Variants in CSMD3 observed in about 807,000 individuals in gnomAD.
CSMD3 encodes CUB and sushi domain-containing protein 3.
In CSMD3, 177 loss-of-function variants were observed where a neutral mutation model predicts 435.2. The ratio of observed to expected loss-of-function variants is 0.41; its 90% CI spans 0.36 to 0.46. CSMD3 has a LOEUF of 0.46. Among genes scored for constraint, CSMD3 ranks in the 20% least tolerant of loss-of-function variants. CSMD3 has a pLI of 0.34. For synonymous variants in CSMD3, 1,656 were observed against 1,520.5 expected (o/e 1.09, Z -2.07); for missense variants, 4,265 against 4,504.6 (o/e 0.95, Z 1.52).
At chr8:113,096,612 G>T (rs1204636513) in intron 5 of CSMD3, among the ~76,000 whole-genome samples, 1 of 151,810 alleles carries the variant, frequency 6.6e-6, no homozygotes. Flanking sequence ...AGCCCCTCAA[G>T]TGAATTCACA....
intron 1 of CSMD3, among the ~76,000 whole-genome samples, chr8:113,340,474 T>C (rs2094110821): frequency 6.6e-6 from 1 of 152,166 alleles, no homozygotes; most frequent in African/African-American, 2.4e-5. Context: ...ACTTATATTG[T>C]GCCTGAAAAA....
intron 54 of CSMD3, 103 bp from the exon 55 acceptor site, chr8:112,292,813 A>T: frequency 9.9e-7 from 1 of 1,014,214 alleles, no homozygotes. Context: ...CAAACAAAGT[A>T]GAAAGAAGAC....
chr8:113,408,231 T>G lies in CSMD3; in HGVS notation c.178+28446A>C, dbSNP rs556310302. Among the ~76,000 whole-genome samples the G allele has an allele frequency of 2.6e-5, 4 of 152,244 alleles. No homozygotes were observed. The East Asian group carries it at 7.7e-4, about 29-fold the overall frequency. The stretch of plus-strand genomic sequence containing the variant: ...ATACATAGGAATCAAAATCATTAAG[T>G]GATGAAGTTGCTCTATGAGTCCATG... On this transcript the variant is annotated intron_variant, in intron 1 of 70. Transcript: ENST00000297405.
Position 113,361,670 on chromosome 8 carries a change from A to G in CSMD3, c.179-46877T>C, listed in dbSNP as rs116409374. On this transcript the variant is annotated intron_variant, in intron 1 of 70. Coordinates refer to ENST00000297405, the MANE Select transcript of CSMD3 (RefSeq NM_198123.2). Reference sequence around the variant, plus strand: ...ATTTAAAAAATAATTAAAAACAAATATAACCTTAATAACATCATTGGTCAT... The same window carrying G: ...ATTTAAAAAATAATTAAAAACAAATGTAACCTTAATAACATCATTGGTCAT... 8.7e-3 allele frequency among the ~76,000 whole-genome samples: 1,322 copies of G among 152,162 alleles called. 18 individuals carry two copies. The highest frequency in any genetic ancestry group is 0.03 in the African/African-American group (1,238 of 41,538).
intron 4 of CSMD3, among the ~76,000 whole-genome samples, chr8:113,145,747 T>C (rs2091658244): frequency 6.6e-6 from 1 of 151,650 alleles, no homozygotes; most frequent in Admixed American, 6.6e-5. Context: ...TTTTCTAGAT[T>C]GGTACATGAC....
intron 31 of CSMD3, among the ~76,000 whole-genome samples, chr8:112,474,091 G>C (rs1241420704): frequency 1.3e-5 from 2 of 152,114 alleles, no homozygotes; most frequent in Non-Finnish European, 2.9e-5. Flanking sequence ...GCTATTAATA[G>C]AGTAGTTTCA....
Position 113,173,840 on chromosome 8 carries a change from C to T in CSMD3, c.591G>A (p.Gly197=), listed in dbSNP as rs369448300. ...GVLYGTRFDV[G]DKIRYSCVTG... ...TTACACAGCTGTAGCGGATCTTGTC[C>T]CCGACGTCGAATCTTGTGCCATATA... The change falls in exon 4 of 71, where the codon GGG becomes GGA. Residue 197 remains glycine, a synonymous_variant. Coordinates refer to ENST00000297405, the MANE Select transcript of CSMD3 (RefSeq NM_198123.2). 1 of 1,613,850 alleles carries T rather than the reference C, an allele frequency of 6.2e-7. No individual in the cohort carries two copies. Among genetic ancestry groups the T allele is most frequent in the Non-Finnish European group, 8.5e-7 (1 of 1,179,852 alleles).
At chr8:112,689,688 T>G (rs957817322) in intron 14 of CSMD3, among the ~76,000 whole-genome samples, 180 bp downstream of exon 14, 1 of 152,090 alleles carries the variant, frequency 6.6e-6, no homozygotes, top group African/African-American at 2.4e-5. Context: ...TTAACTTTAT[T>G]TAAATCTGTA....
At chr8:113,044,404 A>G (rs192570589) in intron 5 of CSMD3, among the ~76,000 whole-genome samples, 8 of 149,202 alleles carry the variant, frequency 5.4e-5, no homozygotes, top group African/African-American at 1.7e-4. Context: ...ATTCTGTTGA[A>G]TGAATAGATA....
chr8:113,190,959 A>C (rs2092576243), intron 3 of CSMD3, among the ~76,000 whole-genome samples: 1 of 151,878 alleles, frequency 6.6e-6, no homozygotes. Context: ...TAAATGTTTT[A>C]GGCATTTAAC....
chr8:113,278,854 C>A, intron 2 of CSMD3, 150 bp from the exon 3 acceptor site: 1 of 603,946 alleles, frequency 1.7e-6, no homozygotes, highest in Non-Finnish European at 3.0e-6. Flanking sequence ...ACCTTGATTT[C>A]AGCCCAGTTA....
At chr8:113,302,280 A>G (rs988658455) in intron 2 of CSMD3, among the ~76,000 whole-genome samples, 20 of 11,530 alleles carry the variant, frequency 1.7e-3, no homozygotes, top group African/African-American at 8.0e-3. Flanking sequence ...ATATATAATT[A>G]TAATATATAA....
intron 40 of CSMD3, among the ~76,000 whole-genome samples, chr8:112,348,353 C>G (rs1825848528): frequency 6.6e-6 from 1 of 152,164 alleles, no homozygotes; most frequent in African/African-American, 2.4e-5. Flanking sequence ...TCTCTAATAT[C>G]TAAAATCTCA....
chr8:113,203,340 G>A (rs970606769), intron 3 of CSMD3, among the ~76,000 whole-genome samples: 9 of 151,616 alleles, frequency 5.9e-5, no homozygotes, highest in African/African-American at 2.2e-4. Flanking sequence ...CTGCTCTGTT[G>A]CCTGGGCTGG....
intron 3 of CSMD3, among the ~76,000 whole-genome samples, chr8:113,205,795 T>C (rs549397201): frequency 8.2e-4 from 125 of 152,332 alleles, no homozygotes; most frequent in Non-Finnish European, 1.5e-3. Context: ...AGTAGTGATA[T>C]ACTAAAACAT....
At chr8:112,594,442 G>C (rs920019797) in intron 22 of CSMD3, among the ~76,000 whole-genome samples, 5 of 152,196 alleles carry the variant, frequency 3.3e-5, no homozygotes, top group African/African-American at 1.2e-4. Flanking sequence ...GGCTGGGGGA[G>C]GGGCGCCCGC....
chr8:113,026,396 G>A (rs779825741), intron 5 of CSMD3, among the ~76,000 whole-genome samples: 61 of 152,146 alleles, frequency 4.0e-4, no homozygotes, highest in Non-Finnish European at 8.1e-4. Flanking sequence ...ACTCTAGTTG[G>A]AATGTAGTTC....
At position 113,109,690 on chromosome 8, in the gene CSMD3, T is replaced by A. The variant is rs115771321; in HGVS notation, c.710-10727A>T. 6.8e-3 allele frequency among the ~76,000 whole-genome samples: 1,030 copies of A among 152,276 alleles called. 12 individuals carry two copies. The highest frequency in any genetic ancestry group is 0.024 in the African/African-American group (989 of 41,558). On this transcript the variant is annotated intron_variant, in intron 4 of 70. Transcript: ENST00000297405. ...CCTATCTTCAAATCGGCTCTGTGCCTGGAGCTCTCCAAAGCTGAAATCACA... is the reference window on the plus strand; with the variant it reads ...CCTATCTTCAAATCGGCTCTGTGCCAGGAGCTCTCCAAAGCTGAAATCACA...
intron 1 of CSMD3, among the ~76,000 whole-genome samples, chr8:113,328,098 GACACAC>G (rs149822754): frequency 4.0e-5 from 6 of 148,674 alleles, no homozygotes; most frequent in Non-Finnish European, 7.5e-5. Context: ...GACACACACA[GACACAC>G]ACACACACAC....
Sources: gnomAD v4.1 joint callset for allele counts (sites outside exome capture counted in the v4.1 genomes callset) on GRCh38, gnomAD v4.1.1 for gene constraint, MANE v1.5 for transcripts, NCBI Gene and HGNC (gene_info 2026-07-23, HGNC 2026-07-21) for gene names.